DACH2: variants seen among roughly 807,000 people sequenced by gnomAD.
DACH2 encodes the protein dachshund homolog 2.
In DACH2, 17 loss-of-function variants were observed where a neutral mutation model predicts 35.8. That is an observed-to-expected ratio of 0.48 (90% confidence interval 0.33 to 0.71). DACH2 has a LOEUF of 0.71. Ranked by LOEUF, DACH2 falls within the 30% of genes least tolerant of loss-of-function variation. The pLI is 0.02. For synonymous variants in DACH2, 195 were observed against 177.3 expected, an observed-to-expected ratio of 1.10 and a Z score of -0.79; for missense variants, 469 against 472.7, an observed-to-expected ratio of 0.99 and a Z score of 0.07.
chrX:86,344,863 T>G (rs1222696210), intron 1 of DACH2, among the ~76,000 whole-genome samples: 2 of 111,711 alleles, frequency 1.8e-5, no homozygotes, highest in African/African-American at 6.5e-5. Flanking sequence ...TTTACAGGAT[T>G]ATCTTTCTAA....
rs749199261 is a variant in DACH2 at position 86,542,545 on chromosome X, A to T, written c.640+28154A>T. On this transcript the variant is annotated intron_variant, in intron 3 of 11. Coordinates refer to ENST00000373125, the MANE Select transcript of DACH2 (RefSeq NM_053281.3). ...AAAACCCTCTTTAGAATCAGAGTAG[A>T]TGCCTGTGCCATGCCCCTTGAACAT... is the stretch of plus-strand genomic sequence containing the variant. Among the ~76,000 whole-genome samples the T allele has an allele frequency of 2.7e-5, 3 of 111,678 alleles. No homozygotes were observed. The East Asian group carries it at 8.5e-4, about 32-fold the overall frequency.
At chrX:86,542,924 T>C (rs906345351) in intron 3 of DACH2, among the ~76,000 whole-genome samples, 2 of 112,138 alleles carry the variant, frequency 1.8e-5, no homozygotes, top group Admixed American at 9.5e-5. Flanking sequence ...AAAATCATCA[T>C]ACTTTTTGGT....
intron 1 of DACH2, among the ~76,000 whole-genome samples, chrX:86,366,854 G>A (rs766999494): frequency 3.8e-4 from 42 of 110,589 alleles, no homozygotes; most frequent in African/African-American, 1.3e-3. Flanking sequence ...CTTCCACCAT[G>A]ATTATAAGCT....
rs776033913 is a variant in DACH2, at chrX:86,696,402, A to G, written c.931+1223A>G. Among the ~76,000 whole-genome samples the G allele has an allele frequency of 2.7e-5, 3 of 112,359 alleles. No individual in the cohort carries two copies. In the South Asian group the frequency reaches 1.1e-3, roughly 42 times the overall value. On this transcript the variant is annotated intron_variant, in intron 5 of 11. Transcript: ENST00000373125. ...AGCAAAAGCAAATGAAAGGAATGCC[A>G]GAAAAGTTATAAATATTATGTTATG...
intron 7 of DACH2, among the ~76,000 whole-genome samples, chrX:86,744,307 A>T (rs2041687670): frequency 9.0e-6 from 1 of 111,047 alleles, no homozygotes; most frequent in Non-Finnish European, 1.9e-5. Context: ...GGTTTTTATT[A>T]AAAAAATGGG....
intron 3 of DACH2, among the ~76,000 whole-genome samples, chrX:86,543,374 A>G (rs1449843834): frequency 8.9e-6 from 1 of 111,961 alleles, no homozygotes; most frequent in African/African-American, 3.2e-5. Flanking sequence ...ACCCCTACAG[A>G]TGAAAAAGAA....
intron 2 of DACH2, among the ~76,000 whole-genome samples, chrX:86,428,565 A>G (rs2036931692): frequency 1.8e-5 from 2 of 112,185 alleles, no homozygotes; most frequent in Non-Finnish European, 3.8e-5. Context: ...CAGACAACTG[A>G]AAATGTCTAT....
At position 86,205,438 on chromosome X, in the gene DACH2, C is replaced by T. The variant is rs1205649182; in HGVS notation, c.488+56330C>T. On this transcript the variant is annotated intron_variant, in intron 1 of 11. Transcript: ENST00000373125. ...CCTTCCTTCCTTCCCTCCCTCCTCC[C>T]TCCCTCCCTCCCTCCCTCCCTCCCT... Among the ~76,000 whole-genome samples, 21 of 24,415 alleles carry T rather than the reference C, an allele frequency of 8.6e-4. No individual in the cohort carries two copies. The African/African-American group carries it at 0.011, about 13-fold the overall frequency. 21.2% of individuals were successfully genotyped at this position (24,415 alleles called of 115,157 possible).
chrX:86,367,925 T>C (rs1322124089), intron 1 of DACH2, among the ~76,000 whole-genome samples: 3 of 111,505 alleles, frequency 2.7e-5, no homozygotes, highest in Non-Finnish European at 5.7e-5. Context: ...CCTTTTGATT[T>C]TCATCTCCAC....
intron 4 of DACH2, among the ~76,000 whole-genome samples, chrX:86,655,375 C>A (rs1233201144): frequency 1.8e-5 from 2 of 111,949 alleles, no homozygotes; most frequent in African/African-American, 6.5e-5. Context: ...ATGTTTCCAT[C>A]ATTTATGTGG....
chrX:86,436,636 G>T (rs896157875), intron 2 of DACH2, among the ~76,000 whole-genome samples: 1 of 110,843 alleles, frequency 9.0e-6, no homozygotes, highest in African/African-American at 3.3e-5. Context: ...TTGGTATCAG[G>T]TTAATGCTAA....
At chrX:86,590,555 C>G (rs5968957) in intron 3 of DACH2, among the ~76,000 whole-genome samples, 15,982 of 111,322 alleles carry the variant, frequency 0.14, 1,019 homozygotes, top group African/African-American at 0.24. Context: ...TGTGGCTATA[C>G]ATTTTCAGCT....
chrX:86,359,615 G>A (rs1481868025), intron 1 of DACH2, among the ~76,000 whole-genome samples: 3 of 110,957 alleles, frequency 2.7e-5, no homozygotes, highest in Non-Finnish European at 5.7e-5. Context: ...TGCGTACAGT[G>A]GTGCACGTCT....
intron 3 of DACH2, among the ~76,000 whole-genome samples, chrX:86,646,404 C>G (rs930885131): frequency 9.1e-6 from 1 of 110,205 alleles, no homozygotes; most frequent in Non-Finnish European, 1.9e-5. Context: ...CACAATATAT[C>G]CATAAAACTG....
intron 1 of DACH2, among the ~76,000 whole-genome samples, chrX:86,325,787 A>G (rs1343696421): frequency 3.6e-5 from 4 of 112,043 alleles, no homozygotes; most frequent in African/African-American, 1.3e-4. Context: ...AACAAGGTGA[A>G]CAGAGTTTTG....
chrX:86,564,679 AC>A (rs1362725889), intron 3 of DACH2, among the ~76,000 whole-genome samples: 1 of 111,573 alleles, frequency 9.0e-6, no homozygotes, highest in Non-Finnish European at 1.9e-5. Flanking sequence ...CTAAACACCC[AC>A]AATTAAAGAT....
At chrX:86,169,964 T>C (rs2031068788) in intron 1 of DACH2, among the ~76,000 whole-genome samples, 1 of 110,798 alleles carries the variant, frequency 9.0e-6, no homozygotes, top group Non-Finnish European at 1.9e-5. Context: ...TTCACTGGGC[T>C]TATTTGTCCA....
intron 1 of DACH2, among the ~76,000 whole-genome samples, chrX:86,167,286 G>A (rs1476454266): frequency 9.0e-6 from 1 of 110,867 alleles, no homozygotes; most frequent in Non-Finnish European, 1.9e-5. Flanking sequence ...TTCAATCTTG[G>A]TATGTATGTA....
At chrX:86,232,535 G>C (rs1358840261) in intron 1 of DACH2, among the ~76,000 whole-genome samples, 4 of 111,584 alleles carry the variant, frequency 3.6e-5, no homozygotes, top group Non-Finnish European at 7.5e-5. Flanking sequence ...GAGGGCAAAG[G>C]ACATGAATGA....
Sources: allele counts gnomAD v4.1 joint callset (sites outside exome capture counted in the v4.1 genomes callset), GRCh38; gene constraint gnomAD v4.1.1; transcripts MANE v1.5; gene names NCBI Gene and HGNC (gene_info 2026-07-23, HGNC 2026-07-21).